Variants in TUBB8 observed in about 807,000 individuals in gnomAD.
The protein encoded by TUBB8 is tubulin beta-8 chain.
TUBB8 carries 25 observed loss-of-function variants against 33.7 expected under a neutral mutation model. The observed-to-expected ratio is 0.74, with a 90% confidence interval of 0.54 to 1.04. The LOEUF is 1.04. Ranked by LOEUF, TUBB8 falls within the 50% of genes least tolerant of loss-of-function variation. The probability of loss-of-function intolerance (pLI) is 0.00; values close to 1 mark genes in which losing one functional copy is unlikely to be tolerated. For missense variants in TUBB8, 279 were observed against 608.0 expected (o/e 0.46, Z 5.69); for synonymous variants, 245 against 240.1 (o/e 1.02, Z -0.19).
intron 1 of TUBB8, among the ~76,000 whole-genome samples, chr10:65,600 C>T (rs1168041965): frequency 6.6e-6 from 1 of 152,202 alleles, no homozygotes; most frequent in Non-Finnish European, 1.5e-5. Flanking sequence ...TGGCGGGAGC[C>T]TGTAATCCTA....
At chr10:67,142 G>GT (rs201136332) in intron 1 of TUBB8, among the ~76,000 whole-genome samples, 43 of 92,050 alleles carry the variant, frequency 4.7e-4, no homozygotes, top group Middle Eastern at 5.6e-3. Flanking sequence ...GAGTTGTTTT[G>GT]TTTTTTTGTT....
At chr10:46,848 A>G (rs1440805490), downstream of TUBB8, 74 of 458,726 alleles carry the variant, frequency 1.6e-4, no homozygotes, top group Non-Finnish European at 2.6e-4. Flanking sequence ...ATCTGGCAGC[A>G]GTAGCCAGAG....
At chr10:73,594 G>A (rs1554742660) in intron 1 of TUBB8, among the ~76,000 whole-genome samples, 1 of 151,880 alleles carries the variant, frequency 6.6e-6, no homozygotes, top group African/African-American at 2.4e-5. Flanking sequence ...AGTGAGCCGA[G>A]ATCGCGCCAT....
chr10:68,219 T>A (rs1554741892), intron 1 of TUBB8, among the ~76,000 whole-genome samples: 2 of 152,200 alleles, frequency 1.3e-5, no homozygotes, highest in African/African-American at 4.8e-5. Context: ...GTGACACCCA[T>A]AAGACTGATG....
intron 1 of TUBB8, among the ~76,000 whole-genome samples, chr10:70,764 G>A (rs1834726064): frequency 7.9e-6 from 1 of 126,426 alleles, no homozygotes; most frequent in Admixed American, 8.0e-5. Context: ...TTGAACACAG[G>A]AGGTGGAGGC....
At chr10:57,412 T>C (rs1317814170) in intron 1 of TUBB8, among the ~76,000 whole-genome samples, 1 of 152,234 alleles carries the variant, frequency 6.6e-6, no homozygotes, top group African/African-American at 2.4e-5. Context: ...TAGTAGAGGT[T>C]CTTCATAAGG....
At chr10:75,542 C>G (rs1834799969), upstream of TUBB8, among the ~76,000 whole-genome samples, 1 of 150,410 alleles carries the variant, frequency 6.6e-6, no homozygotes, top group South Asian at 2.1e-4. Flanking sequence ...GTAATCGTAG[C>G]TACTCCGGAG....
chr10:53,871 C>G (rs1345996759), upstream of TUBB8, among the ~76,000 whole-genome samples: 1 of 152,304 alleles, frequency 6.6e-6, no homozygotes. Context: ...CCTCATTAGA[C>G]TCTCCTCCTT....
chr10:72,529 GC>G (rs1834750878), intron 1 of TUBB8, among the ~76,000 whole-genome samples: 1 of 152,184 alleles, frequency 6.6e-6, no homozygotes, highest in Non-Finnish European at 1.5e-5. Flanking sequence ...CTGCAGTCCA[GC>G]CTGGGCGACA....
chr10:75,228 ACTC>A (rs1834795549), upstream of TUBB8, among the ~76,000 whole-genome samples: 1 of 151,048 alleles, frequency 6.6e-6, no homozygotes, highest in Non-Finnish European at 1.5e-5. Context: ...TGGTGCCTAT[ACTC>A]CTAACTACTT....
chr10:54,147 AT>A (rs1834501961), upstream of TUBB8, among the ~76,000 whole-genome samples: 1 of 152,230 alleles, frequency 6.6e-6, no homozygotes, highest in East Asian at 1.9e-4. Flanking sequence ...CTTTCTAACA[AT>A]TTTTTGTACC....
At chr10:72,416 G>A (rs1183822072) in intron 1 of TUBB8, among the ~76,000 whole-genome samples, 12,174 of 111,774 alleles carry the variant, frequency 0.11, no homozygotes, top group African/African-American at 0.23. Flanking sequence ...AAATTAGCCC[G>A]GCGTGGTGAT....
chr10:74,896 C>T (rs1243716706), upstream of TUBB8, among the ~76,000 whole-genome samples: 55 of 108,704 alleles, frequency 5.1e-4, no homozygotes, highest in Middle Eastern at 7.9e-3. Flanking sequence ...TTTTTTGAGA[C>T]GGAGTTTCAC....
At chr10:60,876 C>T (rs1588277887) in intron 1 of TUBB8, among the ~76,000 whole-genome samples, 1 of 151,926 alleles carries the variant, frequency 6.6e-6, no homozygotes. Flanking sequence ...CACATATACA[C>T]CATGGAATAC....
At chr10:70,478 T>C (rs1179601128) in intron 1 of TUBB8, among the ~76,000 whole-genome samples, 2 of 152,054 alleles carry the variant, frequency 1.3e-5, no homozygotes, top group African/African-American at 2.4e-5. Context: ...TAAAATATTA[T>C]TGATGGAAAC....
chr10:70,336 G>T (rs1438741326), intron 1 of TUBB8, among the ~76,000 whole-genome samples: 6 of 151,778 alleles, frequency 4.0e-5, no homozygotes, highest in Admixed American at 6.6e-5. Flanking sequence ...ACAATGTGCA[G>T]GTTAGTTACA....
At chr10:48,223 C>A (rs1426512099) in intron 3 of TUBB8, 109 bp from the exon 4 acceptor site, 45 of 1,049,458 alleles carry the variant, frequency 4.3e-5, no homozygotes, top group Non-Finnish European at 5.7e-5. Flanking sequence ...GAGCACCGTT[C>A]GCCCTGCAGG....
intron 1 of TUBB8, among the ~76,000 whole-genome samples, chr10:60,356 C>G (rs1175364150): frequency 1.5e-4 from 23 of 148,890 alleles, no homozygotes; most frequent in African/African-American, 5.4e-4. Context: ...CCAGAATCTA[C>G]AATGAACTCA....
chr10:70,847 A>G (rs1262425145), intron 1 of TUBB8, among the ~76,000 whole-genome samples: 3 of 152,212 alleles, frequency 2.0e-5, no homozygotes, highest in Admixed American at 1.3e-4. Flanking sequence ...CGTCTCAAAA[A>G]ATAAAAAATA....
Sources: gnomAD v4.1 joint callset for allele counts (sites outside exome capture counted in the v4.1 genomes callset) on GRCh38, gnomAD v4.1.1 for gene constraint, MANE v1.5 for transcripts, NCBI Gene and HGNC (gene_info 2026-07-23, HGNC 2026-07-21) for gene names.